Variants in PHF20L1 observed in about 807,000 individuals in gnomAD.
The protein encoded by PHF20L1 is PHD finger protein 20 like 1, also known as PHD finger protein 20-like protein 1.
PHF20L1 carries 44 observed loss-of-function variants against 125.5 expected under a neutral mutation model. That is an observed-to-expected ratio of 0.35 (90% confidence interval 0.28 to 0.45). PHF20L1 has a LOEUF of 0.45. Among genes scored for constraint, PHF20L1 ranks in the 20% least tolerant of loss-of-function variants. The pLI, the probability that PHF20L1 is intolerant of heterozygous loss-of-function variation, is 1.00. For missense variants in PHF20L1, 1,012 were observed against 1,217.2 expected (o/e 0.83, Z 2.51); for synonymous variants, 380 against 403.1 (o/e 0.94, Z 0.69).
chr8:132,824,892 TTC>T (rs1835995933), intron 13 of PHF20L1: 2 of 432,374 alleles, frequency 4.6e-6, no homozygotes, highest in South Asian at 4.0e-5. Flanking sequence ...TCCTAATTTA[TTC>T]TCTCATTAAA....
Position 132,777,924 on chromosome 8 carries a change from T to C in PHF20L1, c.83+13T>C, listed in dbSNP as rs747572766. The stretch of plus-strand genomic sequence containing the variant: ...ACTTACAAAAATGGTATGGAAAATA[T>C]AGAACTTTCACCTAAATATCACAAT... On this transcript the variant is annotated intron_variant, in intron 2 of 20. Coordinates refer to ENST00000395386, the MANE Select transcript of PHF20L1 (RefSeq NM_016018.5). 31 of 1,517,654 alleles carry C rather than the reference T, an allele frequency of 2.0e-5. No homozygotes were observed. Among genetic ancestry groups the C allele is most frequent in the Non-Finnish European group, 2.7e-5 (29 of 1,092,960 alleles). The allele number at this position is 1,517,654 out of a possible 1,614,324, so 94.0% of individuals were successfully genotyped here. A position where few individuals can be genotyped will look rare whatever the true frequency, so the allele number is the denominator to read the frequency against.
At chr8:132,807,861 C>A in intron 8 of PHF20L1, 1 of 419,084 alleles carries the variant, frequency 2.4e-6, no homozygotes. Flanking sequence ...GTAATGCATT[C>A]TTATTGGGCA....
Position 132,817,387 on chromosome 8 carries a change from C to T in PHF20L1, c.1421C>T (p.Pro474Leu), listed in dbSNP as rs1486940249. ...CTTGAGAAGCTGGGACCCTGTCTCC[C>T]TCTTGACTTAAGTCGTGGTTCAGAA... ...LPLEKLGPCL[P>L]LDLSRGSEVT... Residue 474 changes from proline to leucine, a missense_variant, in exon 12 of 21, where the codon CCT becomes CTT. This residue lies in a region of PHF20L1 where 320 missense variants were observed against 293.8 expected (regional missense o/e 1.09). Coordinates refer to ENST00000395386, the MANE Select transcript of PHF20L1 (RefSeq NM_016018.5). 1 of 1,612,626 alleles carries T rather than the reference C, an allele frequency of 6.2e-7. No individual in the cohort carries two copies. Among genetic ancestry groups the T allele is most frequent in the African/African-American group, 1.3e-5 (1 of 74,782 alleles).
chr8:132,838,847 C>A (rs895897887), intron 17 of PHF20L1, among the ~76,000 whole-genome samples: 2 of 152,092 alleles, frequency 1.3e-5, no homozygotes, highest in Middle Eastern at 3.2e-3. Context: ...TTGATTTAAA[C>A]CATGCCTTCA....
intron 9 of PHF20L1, chr8:132,812,960 T>C (rs1834560681): frequency 3.2e-6 from 3 of 939,468 alleles, no homozygotes; most frequent in African/African-American, 1.8e-5. Flanking sequence ...TTTAATTGTA[T>C]TAGGGATATG....
intron 20 of PHF20L1, among the ~76,000 whole-genome samples, 174 bp from the exon 21 acceptor site, chr8:132,845,607 G>T (rs1011974450): frequency 2.0e-5 from 3 of 152,022 alleles, no homozygotes; most frequent in African/African-American, 7.2e-5. Context: ...CTAGAACTCT[G>T]TGGGGTGGGA....
chr8:132,784,750 G>A (rs1830820986), intron 2 of PHF20L1, among the ~76,000 whole-genome samples: 1 of 152,152 alleles, frequency 6.6e-6, no homozygotes, highest in Admixed American at 6.5e-5. Context: ...CCATTGTCTT[G>A]CATAGATTTC....
At chr8:132,785,548 C>T (rs760733078) in intron 2 of PHF20L1, among the ~76,000 whole-genome samples, 3 of 152,090 alleles carry the variant, frequency 2.0e-5, no homozygotes, top group African/African-American at 7.2e-5. Flanking sequence ...TGCTGTTCTT[C>T]ATTAAGGTCC....
chr8:132,805,690 AT>A (rs1833608253), intron 8 of PHF20L1, among the ~76,000 whole-genome samples: 1 of 151,944 alleles, frequency 6.6e-6, no homozygotes, highest in Non-Finnish European at 1.5e-5. Context: ...CATTTTGACC[AT>A]TTTCTGAAGA....
intron 20 of PHF20L1, among the ~76,000 whole-genome samples, chr8:132,844,949 T>C (rs148343822): frequency 6.6e-6 from 1 of 152,042 alleles, no homozygotes. Flanking sequence ...ACCCCAACTT[T>C]ACTTTTTTTA....
At position 132,814,860 on chromosome 8, in the gene PHF20L1, A is replaced by T. The variant is rs999852737; in HGVS notation, c.1154A>T (p.Gln385Leu). The T allele has an allele frequency of 1.9e-6, 3 of 1,607,620 alleles. No individual in the cohort carries two copies. In the African/African-American group the frequency reaches 4.0e-5, roughly 22 times the overall value. The change falls in exon 10 of 21, where the codon CAG becomes CTG. Residue 385 changes from glutamine (Q) to leucine (L), a missense_variant. Coordinates refer to ENST00000395386, the MANE Select transcript of PHF20L1 (RefSeq NM_016018.5). ...IQVEDLTLVSQLSSSVINKTS... is the reference protein window; with the variant it reads ...IQVEDLTLVSLLSSSVINKTS... ...GTCGAGGATTTGACGCTTGTATCTC[A>T]GCTTTCTTCTTCAGTGATAAATAAA...
intron 5 of PHF20L1, 39 bp downstream of exon 5, chr8:132,798,899 T>A: frequency 7.3e-7 from 1 of 1,365,392 alleles, no homozygotes; most frequent in South Asian, 1.2e-5. Context: ...CAAAGGGTTA[T>A]CTTCTTGAAC....
intron 2 of PHF20L1, among the ~76,000 whole-genome samples, chr8:132,782,132 A>G (rs1458092697): frequency 2.0e-5 from 3 of 152,236 alleles, no homozygotes; most frequent in Non-Finnish European, 4.4e-5. Context: ...TCTGGAAGGT[A>G]GTAACATCAT....
chr8:132,823,269 T>G (rs1225084812), intron 12 of PHF20L1, among the ~76,000 whole-genome samples: 1 of 151,998 alleles, frequency 6.6e-6, no homozygotes, highest in African/African-American at 2.4e-5. Flanking sequence ...CAAGTTTGTT[T>G]TAGGCACAAG....
At chr8:132,843,519 C>T (rs1210158554) in intron 19 of PHF20L1, 6 of 983,836 alleles carry the variant, frequency 6.1e-6, no homozygotes, top group Non-Finnish European at 7.2e-6. Context: ...GTTTGTATTT[C>T]GTATCATAAA....
rs573319081 is a variant in PHF20L1, at chr8:132,791,287, T to C, written c.84-3123T>C. 4.0e-5 allele frequency among the ~76,000 whole-genome samples: 6 copies of C among 148,454 alleles called. No individual in the cohort carries two copies. In the South Asian group the frequency reaches 1.3e-3, roughly 32 times the overall value. ...TTTTTTTTTTTTTTTTAATACGGAG[T>C]TTCACTATTGTTGCCCAGTGCAATG... On this transcript the variant is annotated intron_variant, in intron 2 of 20. Transcript: ENST00000395386.
chr8:132,775,449 T>C lies in PHF20L1; in HGVS notation c.-234T>C. The C allele has an allele frequency of 2.6e-6, 1 of 384,314 alleles. No homozygotes were observed. The highest frequency in any genetic ancestry group is 4.6e-6 in the Non-Finnish European group (1 of 218,550). 23.8% of individuals were successfully genotyped at this position (384,314 alleles called of 1,614,324 possible). On this transcript the variant is annotated 5_prime_UTR_variant, in exon 1 of 21. Transcript: ENST00000395386. ...CGATGGCAGCGGACCCTGAGCGAGC[T>C]TGAGGGCTCGGACCCAGCTCCCTCC...
At chr8:132,838,015 C>A in intron 17 of PHF20L1, 3 of 466,896 alleles carry the variant, frequency 6.4e-6, no homozygotes, top group South Asian at 2.4e-5. Context: ...GCTTATAGTA[C>A]AATTCATTTC....
chr8:132,839,274 G>A (rs1837686862), intron 17 of PHF20L1, 113 bp from the exon 18 acceptor site: 4 of 771,808 alleles, frequency 5.2e-6, no homozygotes, highest in Non-Finnish European at 8.9e-6. Context: ...TTTTGAATCT[G>A]CTCCTAGTGC....
Sources: gnomAD v4.1 joint callset for allele counts (sites outside exome capture counted in the v4.1 genomes callset) on GRCh38, gnomAD v4.1.1 for gene constraint, gnomAD v4.1.1 regional missense constraint, MANE v1.5 for transcripts, NCBI Gene and HGNC (gene_info 2026-07-23, HGNC 2026-07-21) for gene names.